The following CAPN6 variants were observed in gnomAD, a reference collection of about 807,000 sequenced individuals.
The protein encoded by CAPN6 is calpain-6.
CAPN6 carries 16 observed loss-of-function variants against 46.0 expected under a neutral mutation model. The observed-to-expected ratio is 0.35, with a 90% confidence interval of 0.24 to 0.53. CAPN6 has a LOEUF of 0.53. CAPN6 is among the 20% of genes least tolerant of loss of function. The probability of loss-of-function intolerance (pLI) is 0.94; values close to 1 mark genes in which losing one functional copy is unlikely to be tolerated. For missense variants in CAPN6, 461 were observed against 498.0 expected, an observed-to-expected ratio of 0.93 and a Z score of 0.71; for synonymous variants, 206 against 172.8, an observed-to-expected ratio of 1.19 and a Z score of -1.51.
At chrX:111,249,355 T>G (rs997181907) in intron 8 of CAPN6, among the ~76,000 whole-genome samples, 3 of 111,181 alleles carry the variant, frequency 2.7e-5, no homozygotes, top group Non-Finnish European at 5.6e-5. Flanking sequence ...TATTGTATTA[T>G]TATTATTATT....
chrX:111,246,934 A>T (rs1004171148), intron 12 of CAPN6, among the ~76,000 whole-genome samples, 175 bp from the exon 13 acceptor site: 1 of 112,124 alleles, frequency 8.9e-6, no homozygotes, highest in Non-Finnish European at 1.9e-5. Flanking sequence ...AAGAATATAC[A>T]TGAAAAGCCA....
chrX:111,265,257 T>A (rs2052696970), intron 1 of CAPN6, among the ~76,000 whole-genome samples: 1 of 112,533 alleles, frequency 8.9e-6, no homozygotes, highest in South Asian at 3.7e-4. Flanking sequence ...TAAAGAAGTT[T>A]CCCCATTTGA....
chrX:111,262,636 T>A (rs1361918867), intron 2 of CAPN6, among the ~76,000 whole-genome samples: 1 of 111,900 alleles, frequency 8.9e-6, no homozygotes, highest in Non-Finnish European at 1.9e-5. Context: ...CCTCATCACC[T>A]ACATTGAGAA....
chrX:111,264,036 T>A, intron 1 of CAPN6, 85 bp from the exon 2 acceptor site: 1 of 575,822 alleles, frequency 1.7e-6, no homozygotes, highest in Non-Finnish European at 2.7e-6. Flanking sequence ...ACAGCCGTCA[T>A]CCCAGTGACT....
chrX:111,259,638 A>C (rs1365448678), intron 2 of CAPN6, among the ~76,000 whole-genome samples: 1 of 112,105 alleles, frequency 8.9e-6, no homozygotes, highest in Non-Finnish European at 1.9e-5. Context: ...TCTAGAGGGG[A>C]AGACTAGGCA....
At chrX:111,255,141 GC>G (rs1043333458) in intron 2 of CAPN6, among the ~76,000 whole-genome samples, 3 of 111,926 alleles carry the variant, frequency 2.7e-5, no homozygotes, top group African/African-American at 9.8e-5. Context: ...TATTAACTGT[GC>G]CTTTCCCACT....
chrX:111,256,688 T>C (rs1235860029), intron 2 of CAPN6, among the ~76,000 whole-genome samples: 1 of 111,368 alleles, frequency 9.0e-6, no homozygotes, highest in Non-Finnish European at 1.9e-5. Flanking sequence ...AAAAGACATA[T>C]AAACAATTCA....
chrX:111,246,486 T>C lies in CAPN6; in HGVS notation c.*91A>G, dbSNP rs2094974625. On this transcript the variant is annotated 3_prime_UTR_variant, in exon 13 of 13. Transcript: ENST00000324068. ...AGTTAATTATTGTGAATCTCATTCT[T>C]TCTAAAGATTGTGAATCTTAACTAA... 1 of 753,806 alleles carries C rather than the reference T, an allele frequency of 1.3e-6. No individual in the cohort carries two copies. Among genetic ancestry groups the C allele is most frequent in the Non-Finnish European group, 2.0e-6 (1 of 504,624 alleles). The allele number at this position is 753,806 out of a possible 1,213,427, so 62.1% of individuals were successfully genotyped here. A position where few individuals can be genotyped will look rare whatever the true frequency, so the allele number is the denominator to read the frequency against.
chrX:111,251,631 C>T lies in CAPN6; in HGVS notation c.811G>A (p.Val271Ile), dbSNP rs200477262. 8 of 1,208,191 alleles carry T rather than the reference C, an allele frequency of 6.6e-6. No individual in the cohort carries two copies. Among genetic ancestry groups the T allele is most frequent in the Non-Finnish European group, 1.1e-6 (1 of 893,567 alleles). ...ATATACACCTTCTCAGCACTGAAGACTTCCACAAGTCTCTCTCCAAGACGA... is the reference window on the plus strand; with the variant it reads ...ATATACACCTTCTCAGCACTGAAGATTTCCACAAGTCTCTCTCCAAGACGA... The part of the protein sequence containing the change: ...KIRLGERLVE[V>I]FSAEKVYMVR... Residue 271 changes from valine to isoleucine, a missense_variant, in exon 6 of 13, where the codon GTC becomes ATC. Val to Ile is a conservative substitution (Grantham distance 29). Coordinates refer to ENST00000324068, the MANE Select transcript of CAPN6 (RefSeq NM_014289.4).
At chrX:111,257,302 ACT>A (rs1025344946) in intron 2 of CAPN6, among the ~76,000 whole-genome samples, 1 of 109,715 alleles carries the variant, frequency 9.1e-6, no homozygotes, top group African/African-American at 3.3e-5. Flanking sequence ...CTACCTAAAC[ACT>A]CTTCACTCTT....
chrX:111,251,689 G>T lies in CAPN6; in HGVS notation c.753C>A (p.Gly251=), dbSNP rs2094979681. The change falls in exon 6 of 13, where the codon GGC becomes GGA. Residue 251 remains glycine (G), a synonymous_variant. Coordinates refer to ENST00000324068, the MANE Select transcript of CAPN6 (RefSeq NM_014289.4). ...EVETDWGLLK[G]HTYTMTDIRK... Reference sequence around the variant, plus strand: ...GAATATCAGTCATGGTATAGGTATGGCCCTTCAGCAGACCCCAATCAGTTT... The same window carrying T: ...GAATATCAGTCATGGTATAGGTATGTCCCTTCAGCAGACCCCAATCAGTTT... 1 of 1,208,487 alleles carries T rather than the reference G, an allele frequency of 8.3e-7. No individual in the cohort carries two copies. Among genetic ancestry groups the T allele is most frequent in the African/African-American group, 1.8e-5 (1 of 57,032 alleles).
chrX:111,270,223 C>T (rs777855877), intron 1 of CAPN6, 148 bp downstream of exon 1: 10 of 197,665 alleles, frequency 5.1e-5, no homozygotes, highest in African/African-American at 1.6e-4. Context: ...CTGCTATTAA[C>T]GGGCACATAT....
intron 2 of CAPN6, among the ~76,000 whole-genome samples, chrX:111,261,586 G>A (rs1011374677): frequency 4.5e-5 from 5 of 112,217 alleles, no homozygotes; most frequent in Non-Finnish European, 9.4e-5. Flanking sequence ...AAAATGCCGT[G>A]GTTGTTAAGA....
rs1399742813 is a variant in CAPN6 at position 111,256,208 on chromosome X, G to T, written c.166-1805C>A. Among the ~76,000 whole-genome samples the T allele has an allele frequency of 2.7e-5, 3 of 111,086 alleles. No homozygotes were observed. In the East Asian group the frequency reaches 8.5e-4, roughly 31 times the overall value. ...GAGGTCAGAAGTTCAAGACCAGCCT[G>T]GTCAACATGGTGAAACCCCATCTCT... On this transcript the variant is annotated intron_variant, in intron 2 of 12. Transcript: ENST00000324068.
chrX:111,256,856 C>CA (rs1190321195), intron 2 of CAPN6, among the ~76,000 whole-genome samples: 2 of 103,973 alleles, frequency 1.9e-5, no homozygotes, highest in Non-Finnish European at 3.9e-5. Flanking sequence ...CCCCCCCCCC[C>CA]ACAACATTCC....
At chrX:111,251,343 C>G (rs2094979302) in intron 6 of CAPN6, 57 bp from the exon 7 acceptor site, 1 of 1,087,525 alleles carries the variant, frequency 9.2e-7, no homozygotes, top group Non-Finnish European at 1.3e-6. Context: ...CCATTGACTT[C>G]TTGTAGTAAG....
intron 10 of CAPN6, among the ~76,000 whole-genome samples, chrX:111,248,268 C>T (rs772872381): frequency 1.6e-4 from 18 of 112,054 alleles, no homozygotes; most frequent in African/African-American, 5.5e-4. Flanking sequence ...AGGAGTGCTA[C>T]CTACTTAAGA....
At chrX:111,256,969 T>C (rs1216722601) in intron 2 of CAPN6, among the ~76,000 whole-genome samples, 3 of 109,830 alleles carry the variant, frequency 2.7e-5, no homozygotes, top group East Asian at 2.8e-4. Flanking sequence ...TTAACAGTCA[T>C]AGAATGTCAA....
In CAPN6 at chrX:111,248,591, A is replaced by T; in HGVS notation, c.1462T>A (p.Ser488Thr). ...AACCTGAGCTGGACAGGCACTTCAG[A>T]GAAGATTCTCAGGAGAAACTCGCTG... ...RTSEFLLRIF[S>T]EVPVQLRELT... The change falls in exon 10 of 13, where the codon TCT becomes ACT. Residue 488 changes from serine to threonine, a missense_variant. Transcript: ENST00000324068. 1.7e-6 allele frequency: 2 copies of T among 1,209,090 alleles called. No homozygotes were observed. Among genetic ancestry groups the T allele is most frequent in the Non-Finnish European group, 2.2e-6 (2 of 894,427 alleles).
Sources: allele counts gnomAD v4.1 joint callset (sites outside exome capture counted in the v4.1 genomes callset), GRCh38; gene constraint gnomAD v4.1.1; transcripts MANE v1.5; gene names NCBI Gene and HGNC (gene_info 2026-07-23, HGNC 2026-07-21).